The following ABCC4 variants were observed in gnomAD, a reference collection of about 807,000 sequenced individuals.
The protein encoded by ABCC4 is ATP binding cassette subfamily C member 4 (PEL blood group).
ABCC4 carries 102 observed loss-of-function variants against 168.5 expected under a neutral mutation model. The observed-to-expected ratio is 0.61, with a 90% CI of 0.52 to 0.71. The LOEUF (loss-of-function observed/expected upper bound fraction) is 0.71. Ranked by LOEUF, ABCC4 falls within the 30% of genes least tolerant of loss-of-function variation. The pLI, the probability that ABCC4 is intolerant of heterozygous loss-of-function variation, is 0.00. For missense variants in ABCC4, 1,402 were observed against 1,605.8 expected, an observed-to-expected ratio of 0.87 and a Z score of 2.17; for synonymous variants, 617 against 590.7, an observed-to-expected ratio of 1.04 and a Z score of -0.65.
chr13:95,064,297 T>C (rs12858536), intron 25 of ABCC4, among the ~76,000 whole-genome samples: 6,665 of 105,274 alleles, frequency 0.063, 291 homozygotes, highest in Middle Eastern at 0.1. Context: ...TATATATATA[T>C]ACACACACAC....
At chr13:95,264,507 G>A (rs1410017033) in intron 1 of ABCC4, among the ~76,000 whole-genome samples, 1 of 152,182 alleles carries the variant, frequency 6.6e-6, no homozygotes, top group Non-Finnish European at 1.5e-5. Context: ...ACAATGCACT[G>A]AGGATACTGT....
intron 21 of ABCC4, 79 bp downstream of exon 21, chr13:95,083,061 T>C: frequency 1.3e-6 from 2 of 1,506,058 alleles, no homozygotes; most frequent in Non-Finnish European, 1.8e-6. Context: ...GTCTGCCGAA[T>C]TTCAGGGGGT....
chr13:95,112,217 G>T (rs769105784), intron 20 of ABCC4, among the ~76,000 whole-genome samples: 1 of 152,072 alleles, frequency 6.6e-6, no homozygotes, highest in Non-Finnish European at 1.5e-5. Flanking sequence ...GCTTAGAGTG[G>T]TGGTGGTCAT....
intron 1 of ABCC4, among the ~76,000 whole-genome samples, chr13:95,298,032 T>A (rs2041579275): frequency 6.6e-6 from 1 of 152,292 alleles, no homozygotes; most frequent in South Asian, 2.1e-4. Flanking sequence ...CTCATGCCTG[T>A]AATCCCAGCA....
intron 20 of ABCC4, among the ~76,000 whole-genome samples, chr13:95,110,350 A>G (rs2035162676): frequency 6.6e-6 from 1 of 151,952 alleles, no homozygotes; most frequent in South Asian, 2.1e-4. Context: ...AAAGAATTAC[A>G]AATTATTTTC....
rs774457124 is a variant in ABCC4, at chr13:95,166,230, G to T, written c.1962C>A (p.Phe654Leu). 1 of 1,614,178 alleles carries T rather than the reference G, an allele frequency of 6.2e-7. No individual in the cohort carries two copies. Among genetic ancestry groups the T allele is most frequent in the East Asian group, 2.2e-5 (1 of 44,870 alleles). Residue 654 changes from phenylalanine (F) to leucine (L), a missense_variant, in exon 15 of 31, where the codon TTC becomes TTA. This residue lies in a region of ABCC4 where 1,007 missense variants were observed against 1,127.3 expected (regional missense o/e 0.89). Transcript: ENST00000645237. Reference sequence around the variant, plus strand: ...GTTGAGACCAAACCGAAGACTCTGAGAAGGTACGATTCCTTAGTGTGGGAG... The same window carrying T: ...GTTGAGACCAAACCGAAGACTCTGATAAGGTACGATTCCTTAGTGTGGGAG... ...PGTPTLRNRT[F>L]SESSVWSQQS... is the part of the protein sequence containing the mutation.
chr13:95,168,779 A>C (rs765760910), intron 14 of ABCC4, among the ~76,000 whole-genome samples: 1 of 152,262 alleles, frequency 6.6e-6, no homozygotes, highest in South Asian at 2.1e-4. Flanking sequence ...CTGGGCTGAG[A>C]AGTTCTCACT....
chr13:95,213,994 AAAC>A (rs1456858524), intron 4 of ABCC4, among the ~76,000 whole-genome samples: 2 of 152,208 alleles, frequency 1.3e-5, no homozygotes, highest in African/African-American at 4.8e-5. Flanking sequence ...TGGAATTAGT[AAAC>A]AACAACTATG....
At chr13:95,241,102 T>C (rs541808282) in intron 3 of ABCC4, among the ~76,000 whole-genome samples, 17 of 152,160 alleles carry the variant, frequency 1.1e-4, no homozygotes, top group Admixed American at 3.3e-4. Context: ...CGATGGCTCA[T>C]GCCTGTAATC....
chr13:95,025,894 AAAGTG>A (rs1380376767), intron 30 of ABCC4, among the ~76,000 whole-genome samples: 3 of 152,186 alleles, frequency 2.0e-5, no homozygotes, highest in African/African-American at 7.2e-5. Flanking sequence ...ACAGTGGTCA[AAAGTG>A]AAGTGGAAAA....
chr13:95,029,025 AGGCATGGTGGTG>A (rs1397160143), intron 30 of ABCC4, among the ~76,000 whole-genome samples: 1 of 151,618 alleles, frequency 6.6e-6, no homozygotes, highest in Admixed American at 6.6e-5. Context: ...AAAATTAGCC[AGGCATGGTGGTG>A]GGCGCCTGTA....
intron 4 of ABCC4, among the ~76,000 whole-genome samples, chr13:95,225,153 T>TCACACACACACACA (rs61398515): frequency 2.8e-5 from 1 of 35,226 alleles, no homozygotes; most frequent in Non-Finnish European, 1.0e-4. Context: ...TCTCTCTCTC[T>TCACACACACACACA]CACACACACA....
At chr13:95,146,512 T>C (rs2036499478) in intron 19 of ABCC4, among the ~76,000 whole-genome samples, 1 of 152,220 alleles carries the variant, frequency 6.6e-6, no homozygotes, top group Non-Finnish European at 1.5e-5. Flanking sequence ...CCTACCAAGA[T>C]GCTTAATAAA....
chr13:95,267,676 A>G (rs2040720869), intron 1 of ABCC4, among the ~76,000 whole-genome samples: 1 of 152,234 alleles, frequency 6.6e-6, no homozygotes, highest in African/African-American at 2.4e-5. Flanking sequence ...AATCCTTGGA[A>G]TGCTCCAAGT....
chr13:95,107,760 C>G (rs1026113324), intron 20 of ABCC4, among the ~76,000 whole-genome samples: 1 of 152,124 alleles, frequency 6.6e-6, no homozygotes, highest in African/African-American at 2.4e-5. Flanking sequence ...AACCCTGTAT[C>G]TACCAAATAT....
chr13:95,288,580 C>A lies in ABCC4; in HGVS notation c.74+12661G>T, dbSNP rs552094307. ...CAGCACTTTGGGAGGCTGAGGTGGG[C>A]GGATCACCTGAGGTCAGGAGTTCAA... On this transcript the variant is annotated intron_variant, in intron 1 of 30. Transcript: ENST00000645237. 1.2e-3 allele frequency among the ~76,000 whole-genome samples: 181 copies of A among 152,090 alleles called. 1 individual carries two copies. Among genetic ancestry groups the A allele is most frequent in the African/African-American group, 4.2e-3 (176 of 41,484 alleles).
chr13:95,161,594 CAAT>C (rs2037101890), intron 18 of ABCC4, among the ~76,000 whole-genome samples: 1 of 152,152 alleles, frequency 6.6e-6, no homozygotes, highest in African/African-American at 2.4e-5. Context: ...GGCTCTAATT[CAAT>C]TGCAAGTTCT....
intron 19 of ABCC4, among the ~76,000 whole-genome samples, chr13:95,138,551 C>T (rs980462549): frequency 2.0e-5 from 3 of 152,122 alleles, no homozygotes; most frequent in Non-Finnish European, 2.9e-5. Context: ...AGGCCAGGCA[C>T]GATGGCTCAT....
intron 11 of ABCC4, among the ~76,000 whole-genome samples, chr13:95,183,947 A>G (rs1411641654): frequency 6.8e-6 from 1 of 147,292 alleles, no homozygotes; most frequent in Non-Finnish European, 1.5e-5. Flanking sequence ...AGCAAATGAC[A>G]AAGCTGGGCC....
Sources: gnomAD v4.1 joint callset for allele counts (sites outside exome capture counted in the v4.1 genomes callset) on GRCh38, gnomAD v4.1.1 for gene constraint, gnomAD v4.1.1 regional missense constraint, MANE v1.5 for transcripts, NCBI Gene and HGNC (gene_info 2026-07-23, HGNC 2026-07-21) for gene names.